The following IP6K1 variants were observed in gnomAD, a reference collection of about 807,000 sequenced individuals.
IP6K1 encodes inositol hexakisphosphate kinase 1, also known as ATP:1D-myo-inositol-hexakisphosphate phosphotransferase.
A neutral mutation model predicts 38.3 loss-of-function variants in IP6K1; 13 were observed. The ratio of observed to expected loss-of-function variants is 0.34; its 90% CI spans 0.22 to 0.54. The LOEUF is 0.54. IP6K1 is among the 20% of genes least tolerant of loss of function. The pLI is 0.92. For synonymous variants in IP6K1, 212 were observed against 229.9 expected (o/e 0.92, Z 0.70); for missense variants, 397 against 599.8 (o/e 0.66, Z 3.53).
intron 1 of IP6K1, among the ~76,000 whole-genome samples, chr3:49,748,612 G>T (rs1389775894): frequency 3.3e-5 from 5 of 152,148 alleles, no homozygotes; most frequent in African/African-American, 9.7e-5. Flanking sequence ...AAGGGTTTCT[G>T]TCTGAGGAAT....
At chr3:49,763,770 C>T (rs1298288818) in intron 1 of IP6K1, among the ~76,000 whole-genome samples, 2 of 152,052 alleles carry the variant, frequency 1.3e-5, no homozygotes, top group Non-Finnish European at 2.9e-5. Context: ...AATCCTAACA[C>T]TTTGGGAGGC....
chr3:49,783,451 G>A (rs928522159), intron 1 of IP6K1, among the ~76,000 whole-genome samples: 3 of 151,770 alleles, frequency 2.0e-5, no homozygotes, highest in East Asian at 1.9e-4. Flanking sequence ...AGTAGCTCTC[G>A]CCTGTAATCC....
At chr3:49,778,971 A>G (rs556890369) in intron 1 of IP6K1, among the ~76,000 whole-genome samples, 1 of 152,262 alleles carries the variant, frequency 6.6e-6, no homozygotes, top group South Asian at 2.1e-4. Flanking sequence ...TTCACACATC[A>G]TACGGTTCAC....
chr3:49,743,304 G>A (rs1224776371), intron 2 of IP6K1, among the ~76,000 whole-genome samples: 1 of 150,710 alleles, frequency 6.6e-6, no homozygotes, highest in African/African-American at 2.4e-5. Flanking sequence ...TGGGAGCAGT[G>A]GCTCACACCT....
rs544639188 is a variant in IP6K1 at position 49,774,426 on chromosome 3, A to G, written c.-129+11928T>C. On this transcript the variant is annotated intron_variant, in intron 1 of 5. Transcript: ENST00000321599. ...CCATCTCAAAAAAAAAAAAAAAAAA[A>G]AAAGAAAAAAAAAATTTAAGTACTT... Among the ~76,000 whole-genome samples the G allele has an allele frequency of 1.2e-3, 176 of 151,142 alleles. 3 individuals are homozygous for G. In the East Asian group the frequency reaches 0.025, roughly 21 times the overall value.
chr3:49,770,062 C>A (rs939696877), intron 1 of IP6K1, among the ~76,000 whole-genome samples: 1 of 151,958 alleles, frequency 6.6e-6, no homozygotes, highest in African/African-American at 2.4e-5. Context: ...ACTAGCCCTG[C>A]ATGGTGGTGC....
intron 1 of IP6K1, 145 bp from the exon 2 acceptor site, chr3:49,748,313 AGGC>A (rs2080741481): frequency 6.4e-6 from 3 of 466,892 alleles, no homozygotes; most frequent in Non-Finnish European, 1.2e-5. Context: ...GGCACATGAA[AGGC>A]AGTTGGTTAA....
chr3:49,749,017 A>G (rs143355488), intron 1 of IP6K1: 1 of 152,292 alleles, frequency 6.6e-6, no homozygotes, highest in Middle Eastern at 3.4e-3. Flanking sequence ...GCAGTTCACA[A>G]TAGGGTTCAT....
intron 1 of IP6K1, among the ~76,000 whole-genome samples, chr3:49,778,253 A>G (rs2081036074): frequency 6.6e-6 from 1 of 150,438 alleles, no homozygotes; most frequent in South Asian, 2.1e-4. Flanking sequence ...TGAACCCTGG[A>G]GGTGGAGGTT....
At chr3:49,733,830 A>G (rs955794378) in intron 3 of IP6K1, among the ~76,000 whole-genome samples, 4 of 152,210 alleles carry the variant, frequency 2.6e-5, no homozygotes, top group African/African-American at 9.7e-5. Flanking sequence ...AGGAAATTTT[A>G]TTTCTAAAAT....
intron 2 of IP6K1, among the ~76,000 whole-genome samples, chr3:49,747,458 C>T (rs2080730590): frequency 1.3e-5 from 2 of 152,202 alleles, no homozygotes; most frequent in African/African-American, 2.4e-5. Context: ...TGCCAGCTAT[C>T]TAACCGCTTT....
chr3:49,729,595 G>A (rs1226610056), intron 4 of IP6K1, among the ~76,000 whole-genome samples: 3 of 151,682 alleles, frequency 2.0e-5, no homozygotes, highest in South Asian at 2.1e-4. Context: ...TAGTAGAGAC[G>A]GGGTTTCTCC....
At chr3:49,773,980 AAC>A (rs10575617) in intron 1 of IP6K1, among the ~76,000 whole-genome samples, 52,740 of 141,816 alleles carry the variant, frequency 0.37, 9,310 homozygotes, top group Non-Finnish European at 0.42. Flanking sequence ...CTCTCTCTAA[AAC>A]ACACACACAC....
chr3:49,746,769 C>T (rs1435726347), intron 2 of IP6K1, among the ~76,000 whole-genome samples: 1 of 151,292 alleles, frequency 6.6e-6, no homozygotes, highest in Non-Finnish European at 1.5e-5. Flanking sequence ...ACCTTGTAAA[C>T]ATTAAGCTAA....
intron 3 of IP6K1, among the ~76,000 whole-genome samples, chr3:49,735,215 T>C (rs2080598394): frequency 6.6e-6 from 1 of 152,000 alleles, no homozygotes; most frequent in Non-Finnish European, 1.5e-5. Flanking sequence ...ATTAGCTGAA[T>C]GCAGTGGTGT....
At chr3:49,759,732 C>G (rs896632567) in intron 1 of IP6K1, among the ~76,000 whole-genome samples, 1 of 152,164 alleles carries the variant, frequency 6.6e-6, no homozygotes, top group East Asian at 1.9e-4. Flanking sequence ...TACCCAGAAG[C>G]AGATCAGCAA....
chr3:49,760,661 C>T (rs1559711297), intron 1 of IP6K1, among the ~76,000 whole-genome samples: 2 of 149,682 alleles, frequency 1.3e-5, no homozygotes, highest in South Asian at 2.1e-4. Context: ...AAGCAAAAAG[C>T]GGAGAGGTGG....
chr3:49,773,697 A>G (rs1197080899), intron 1 of IP6K1, among the ~76,000 whole-genome samples: 1 of 152,210 alleles, frequency 6.6e-6, no homozygotes, highest in Non-Finnish European at 1.5e-5. Flanking sequence ...TTTAATATTC[A>G]TTATATTTTC....
At position 49,748,085 on chromosome 3, in the gene IP6K1, A is replaced by G; in HGVS notation, c.-45T>C. 1 of 1,606,006 alleles carries G rather than the reference A, an allele frequency of 6.2e-7. No homozygotes were observed. The highest frequency in any genetic ancestry group is 8.5e-7 in the Non-Finnish European group (1 of 1,174,718). ...ACACTGAGGGCAGAGGATGCAGCAC[A>G]TGGGCCACAAAAGGAGAGCTACATA... On this transcript the variant is annotated 5_prime_UTR_variant, in exon 2 of 6. It removes an upstream start codon present in the reference 5' UTR. Transcript: ENST00000321599.
Sources: gnomAD v4.1 joint callset for allele counts (sites outside exome capture counted in the v4.1 genomes callset) on GRCh38, gnomAD v4.1.1 for gene constraint, MANE v1.5 for transcripts, NCBI Gene and HGNC (gene_info 2026-07-23, HGNC 2026-07-21) for gene names.